RDX: variants seen among roughly 807,000 people sequenced by gnomAD.
RDX encodes the protein deafness, autosomal recessive 24.
Under a neutral mutation model 83.7 loss-of-function variants are expected in RDX, and 32 were observed. That is an observed-to-expected ratio of 0.38 (90% CI 0.29 to 0.51). The LOEUF (loss-of-function observed/expected upper bound fraction) is 0.51. Ranked by LOEUF, RDX falls within the 20% of genes least tolerant of loss-of-function variation. The pLI is 0.87. For missense variants in RDX, 600 were observed against 689.9 expected (o/e 0.87, Z 1.46); for synonymous variants, 229 against 222.7 (o/e 1.03, Z -0.25).
chr11:110,279,884 T>C, intron 1 of RDX, 128 bp from the exon 2 acceptor site: 2 of 522,382 alleles, frequency 3.8e-6, no homozygotes, highest in Admixed American at 3.4e-5. Flanking sequence ...AGTGATTTCA[T>C]TCTCATTTTC....
At position 110,237,631 on chromosome 11, in the gene RDX, TTTCGAGTCTG is replaced by T. The variant is rs762418691; in HGVS notation, c.1102_1111del (p.Gln368LysfsTer3). 6.2e-7 allele frequency: 1 copy of T among 1,614,198 alleles called. No homozygotes were observed. Among genetic ancestry groups the T allele is most frequent in the South Asian group, 1.1e-5 (1 of 91,084 alleles). On this transcript the variant is annotated frameshift_variant, in exon 11 of 14. Coordinates refer to ENST00000645495, the MANE Select transcript of RDX (RefSeq NM_002906.4). ...TCGTTCTTGATCCAGTTCTAGAGCT[TTTCGAGTCTG>T]TTCTTCTAGTTCTATGAAATATGTG...
intron 1 of RDX, among the ~76,000 whole-genome samples, chr11:110,285,324 G>A (rs763209643): frequency 1.3e-4 from 20 of 152,150 alleles, no homozygotes; most frequent in Non-Finnish European, 2.5e-4. Flanking sequence ...GGCAGGGGCT[G>A]CAGTGAGCCA....
intron 14 of RDX, among the ~76,000 whole-genome samples, chr11:110,220,189 T>C (rs1864196459): frequency 1.3e-5 from 2 of 152,090 alleles, no homozygotes; most frequent in Admixed American, 1.3e-4. Context: ...AAACAAAACA[T>C]ATTAAAAAAT....
chr11:110,283,037 A>C (rs1860828367), intron 1 of RDX, among the ~76,000 whole-genome samples: 1 of 152,234 alleles, frequency 6.6e-6, no homozygotes, highest in African/African-American at 2.4e-5. Context: ...TTTTTAAAAA[A>C]ACAAAGGAAT....
intron 1 of RDX, among the ~76,000 whole-genome samples, chr11:110,290,287 G>A (rs1385543806): frequency 6.6e-6 from 1 of 152,170 alleles, no homozygotes; most frequent in Non-Finnish European, 1.5e-5. Context: ...CACTTTGGGA[G>A]GCTGAGGCGG....
chr11:110,181,847 A>T (rs1304122607), intron 15 of RDX: 2 of 152,472 alleles, frequency 1.3e-5, no homozygotes, highest in African/African-American at 4.8e-5. Flanking sequence ...GCCTGAAAAA[A>T]AAGGGGGCAG....
chr11:110,178,574 G>C (rs1158734277), intron 15 of RDX, among the ~76,000 whole-genome samples: 2 of 152,176 alleles, frequency 1.3e-5, no homozygotes, highest in African/African-American at 4.8e-5. Context: ...AGACGGGACA[G>C]GTTCACAGAG....
intron 3 of RDX, 42 bp downstream of exon 3, chr11:110,272,494 C>T: frequency 8.0e-7 from 1 of 1,246,398 alleles, no homozygotes; most frequent in Non-Finnish European, 1.2e-6. Flanking sequence ...ACAACATTCA[C>T]ACTATGGTGT....
In RDX at chr11:110,199,035, G is replaced by A. The variant is rs922338488; in HGVS notation, c.*31+546C>T. ...TCACCATGTTGGCCAGGCTAGTCTC[G>A]AACTCCTGACCTCAGGTGATCCACC... On this transcript the variant is annotated intron_variant, in intron 15 of 15. Coordinates refer to the RDX transcript ENST00000528498. Among the ~76,000 whole-genome samples the A allele has an allele frequency of 1.6e-4, 24 of 152,014 alleles. 1 individual carries two copies. In the South Asian group the frequency reaches 4.2e-3, roughly 26 times the overall value.
intron 5 of RDX, among the ~76,000 whole-genome samples, chr11:110,261,106 CTG>C (rs1859786729): frequency 6.6e-6 from 1 of 152,160 alleles, no homozygotes; most frequent in Non-Finnish European, 1.5e-5. Context: ...ACTCCCAAAA[CTG>C]TATCTATAGT....
chr11:110,249,459 G>A (rs1231967584), intron 9 of RDX, among the ~76,000 whole-genome samples: 1 of 152,110 alleles, frequency 6.6e-6, no homozygotes, highest in African/African-American at 2.4e-5. Context: ...GCTTACCTTT[G>A]GGGCAAACAG....
At chr11:110,176,532 CCTGT>C in intron 15 of RDX, among the ~76,000 whole-genome samples, 1 of 152,106 alleles carries the variant, frequency 6.6e-6, no homozygotes, top group East Asian at 1.9e-4. Flanking sequence ...TTGCCATCAC[CCTGT>C]CAGCAGTGAC....
intron 15 of RDX, among the ~76,000 whole-genome samples, chr11:110,186,806 A>C (rs1862997797): frequency 6.6e-6 from 1 of 152,206 alleles, no homozygotes; most frequent in African/African-American, 2.4e-5. Flanking sequence ...ACCCGGGATC[A>C]AGAGAAGGAT....
At chr11:110,188,001 A>G (rs1863020915) in intron 15 of RDX, among the ~76,000 whole-genome samples, 1 of 152,220 alleles carries the variant, frequency 6.6e-6, no homozygotes, top group African/African-American at 2.4e-5. Flanking sequence ...AAAGAACAAA[A>G]GAATGGCATT....
chr11:110,277,596 A>G (rs371322481), intron 2 of RDX, among the ~76,000 whole-genome samples: 17 of 152,216 alleles, frequency 1.1e-4, no homozygotes, highest in East Asian at 9.6e-4. Flanking sequence ...CTGGGATTAC[A>G]GGCGTGATTT....
chr11:110,197,111 G>C (rs1403074548), intron 15 of RDX, among the ~76,000 whole-genome samples: 1 of 152,120 alleles, frequency 6.6e-6, no homozygotes, highest in African/African-American at 2.4e-5. Flanking sequence ...TGTTGCCCAG[G>C]CTGGTCTCAA....
At chr11:110,294,651 A>G (rs1378555828) in intron 1 of RDX, among the ~76,000 whole-genome samples, 1 of 152,220 alleles carries the variant, frequency 6.6e-6, no homozygotes, top group African/African-American at 2.4e-5. Flanking sequence ...AAACAACAGC[A>G]AAGTCTGTCA....
At chr11:110,209,085 T>C (rs1272868224) in intron 14 of RDX, among the ~76,000 whole-genome samples, 1 of 152,178 alleles carries the variant, frequency 6.6e-6, no homozygotes, top group African/African-American at 2.4e-5. Context: ...ACCGGGTTCA[T>C]CTCACTAGGG....
downstream of RDX, among the ~76,000 whole-genome samples, chr11:110,228,601 A>G (rs920803434): frequency 2.0e-5 from 3 of 152,122 alleles, no homozygotes; most frequent in Middle Eastern, 3.4e-3. Flanking sequence ...TTTATTGTGC[A>G]TATGTAAAAT....
Sources: allele counts gnomAD v4.1 joint callset (sites outside exome capture counted in the v4.1 genomes callset), GRCh38; gene constraint gnomAD v4.1.1; transcripts MANE v1.5; gene names NCBI Gene and HGNC (gene_info 2026-07-23, HGNC 2026-07-21).